The following ADCY8 variants were observed in gnomAD, a reference collection of about 807,000 sequenced individuals.
The protein encoded by ADCY8 is adenylate cyclase 8.
ADCY8 carries 51 observed loss-of-function variants against 119.7 expected under a neutral mutation model. That is an observed-to-expected ratio of 0.43 (90% confidence interval 0.34 to 0.54). The LOEUF is 0.54. Among genes scored for constraint, ADCY8 ranks in the 20% least tolerant of loss-of-function variants. The pLI is 0.03. For missense variants in ADCY8, 1,383 were observed against 1,598.8 expected, an observed-to-expected ratio of 0.87 and a Z score of 2.30; for synonymous variants, 665 against 651.0, an observed-to-expected ratio of 1.02 and a Z score of -0.33.
intron 10 of ADCY8, among the ~76,000 whole-genome samples, chr8:130,848,525 G>A (rs1817404779): frequency 6.6e-6 from 1 of 152,168 alleles, no homozygotes; most frequent in Non-Finnish European, 1.5e-5. Context: ...ACTTAAGTAA[G>A]GTAATTACTG....
chr8:130,838,363 G>T (rs1263510890), intron 11 of ADCY8, among the ~76,000 whole-genome samples: 1 of 152,204 alleles, frequency 6.6e-6, no homozygotes, highest in Non-Finnish European at 1.5e-5. Context: ...CAAATGGGAT[G>T]ATAGGCTTTC....
chr8:130,919,064 A>G (rs1216520251), intron 5 of ADCY8, among the ~76,000 whole-genome samples: 1 of 152,194 alleles, frequency 6.6e-6, no homozygotes, highest in African/African-American at 2.4e-5. Context: ...GTCCGTCTCC[A>G]AAAAAGAGAA....
At chr8:130,908,184 A>G (rs142206938) in intron 6 of ADCY8, among the ~76,000 whole-genome samples, 81 of 152,342 alleles carry the variant, frequency 5.3e-4, no homozygotes, top group Non-Finnish European at 9.3e-4. Context: ...GCTTCCAGAT[A>G]TCAAAGCAGT....
At chr8:130,920,424 AG>A (rs1445910710) in intron 5 of ADCY8, among the ~76,000 whole-genome samples, 1 of 152,194 alleles carries the variant, frequency 6.6e-6, no homozygotes, top group Non-Finnish European at 1.5e-5. Flanking sequence ...GGTATTTCAA[AG>A]GGAAAGACAG....
At chr8:130,934,767 C>T (rs1820735694) in intron 5 of ADCY8, among the ~76,000 whole-genome samples, 1 of 152,200 alleles carries the variant, frequency 6.6e-6, no homozygotes, top group East Asian at 1.9e-4. Context: ...ACTTCCGCAT[C>T]TCTACAGAAG....
intron 2 of ADCY8, among the ~76,000 whole-genome samples, chr8:130,987,579 A>G (rs1182469077): frequency 6.6e-6 from 1 of 152,178 alleles, no homozygotes; most frequent in Non-Finnish European, 1.5e-5. Context: ...TTGATTCTTA[A>G]TTTATAATTG....
chr8:130,950,535 G>T (rs1424978258), intron 3 of ADCY8, among the ~76,000 whole-genome samples: 1 of 152,152 alleles, frequency 6.6e-6, no homozygotes, highest in Non-Finnish European at 1.5e-5. Context: ...GCAATGGACT[G>T]GTCAGAGACA....
At chr8:131,002,475 T>G (rs1381413189) in intron 1 of ADCY8, among the ~76,000 whole-genome samples, 3 of 152,160 alleles carry the variant, frequency 2.0e-5, no homozygotes, top group Non-Finnish European at 2.9e-5. Flanking sequence ...GGACAAACAG[T>G]TCCCACCAAC....
intron 3 of ADCY8, among the ~76,000 whole-genome samples, chr8:130,950,433 C>G (rs1376903056): frequency 6.6e-6 from 1 of 151,916 alleles, no homozygotes; most frequent in Non-Finnish European, 1.5e-5. Flanking sequence ...GTGGCCGTGT[C>G]AGGGTTTGGG....
intron 16 of ADCY8, 123 bp from the exon 17 acceptor site, chr8:130,783,928 C>T: frequency 3.0e-6 from 2 of 670,048 alleles, no homozygotes; most frequent in Non-Finnish European, 5.1e-6. Context: ...AGGAAATAAT[C>T]ATGTGGGTGA....
At chr8:131,013,201 T>C (rs1563767747) in intron 1 of ADCY8, among the ~76,000 whole-genome samples, 2 of 152,292 alleles carry the variant, frequency 1.3e-5, no homozygotes, top group East Asian at 3.9e-4. Context: ...CAATGGGACA[T>C]CCTGTGGAGA....
intron 3 of ADCY8, among the ~76,000 whole-genome samples, chr8:130,948,531 C>T (rs896689037): frequency 5.9e-5 from 9 of 152,026 alleles, no homozygotes; most frequent in Admixed American, 1.3e-4. Flanking sequence ...CACGAATGCC[C>T]CCAAGCATGG....
rs570773245 is a variant in ADCY8, at chr8:131,019,202, A to G, written c.960+20172T>C. ...TTGCACAAATAGGGTAGCTAACTAT[A>G]TCAGGTCAACAACAAATGTTTTCTA... On this transcript the variant is annotated intron_variant, in intron 1 of 17. Coordinates refer to ENST00000286355, the MANE Select transcript of ADCY8 (RefSeq NM_001115.3). 5.3e-5 allele frequency among the ~76,000 whole-genome samples: 8 copies of G among 152,246 alleles called. No homozygotes were observed. In the South Asian group the frequency reaches 1.7e-3, roughly 32 times the overall value.
intron 15 of ADCY8, among the ~76,000 whole-genome samples, chr8:130,785,728 A>G (rs1815230373): frequency 6.6e-6 from 1 of 152,196 alleles, no homozygotes; most frequent in African/African-American, 2.4e-5. Context: ...TCACATGTAA[A>G]TCAGATCCTG....
At chr8:130,865,966 TTC>T (rs1021189501) in intron 9 of ADCY8, among the ~76,000 whole-genome samples, 9 of 152,296 alleles carry the variant, frequency 5.9e-5, no homozygotes, top group African/African-American at 4.8e-5. Context: ...CTCACAGCAC[TTC>T]TCAGTGCATA....
chr8:130,965,755 G>C (rs1429409829), intron 2 of ADCY8, among the ~76,000 whole-genome samples: 1 of 152,114 alleles, frequency 6.6e-6, no homozygotes. Flanking sequence ...CAAAAGAATA[G>C]ATAATAAATT....
intron 15 of ADCY8, among the ~76,000 whole-genome samples, chr8:130,795,001 A>T (rs1000126924): frequency 6.6e-6 from 1 of 152,076 alleles, no homozygotes; most frequent in African/African-American, 2.4e-5. Flanking sequence ...AGGCAGGCAG[A>T]TCACCTAAGG....
intron 8 of ADCY8, among the ~76,000 whole-genome samples, chr8:130,875,140 A>T (rs1328825576): frequency 1.3e-5 from 2 of 152,192 alleles, no homozygotes; most frequent in Non-Finnish European, 2.9e-5. Context: ...ATATCATTTG[A>T]CTACCTAGAG....
At chr8:130,803,682 AG>A (rs1386844783) in intron 14 of ADCY8, among the ~76,000 whole-genome samples, 1 of 152,234 alleles carries the variant, frequency 6.6e-6, no homozygotes, top group Non-Finnish European at 1.5e-5. Flanking sequence ...ACAGGAAATG[AG>A]ACAGAGAGGA....
Sources: gnomAD v4.1 joint callset for allele counts (sites outside exome capture counted in the v4.1 genomes callset) on GRCh38, gnomAD v4.1.1 for gene constraint, MANE v1.5 for transcripts, NCBI Gene and HGNC (gene_info 2026-07-23, HGNC 2026-07-21) for gene names.